The following ERBB4 variants were observed in gnomAD, a reference collection of about 807,000 sequenced individuals.
ERBB4 encodes erb-b2 receptor tyrosine kinase 4, also known as receptor tyrosine-protein kinase erbB-4.
In ERBB4, 42 loss-of-function variants were observed where a neutral mutation model predicts 158.0. The observed-to-expected ratio is 0.27, with a 90% CI of 0.21 to 0.34. ERBB4 has a LOEUF of 0.34. Among genes scored for constraint, ERBB4 ranks in the 10% least tolerant of loss-of-function variants. The pLI, the probability that ERBB4 is intolerant of heterozygous loss-of-function variation, is 1.00. For missense variants in ERBB4, 1,333 were observed against 1,624.1 expected (o/e 0.82, Z 3.08); for synonymous variants, 583 against 558.7 (o/e 1.04, Z -0.61).
intron 20 of ERBB4, among the ~76,000 whole-genome samples, chr2:211,453,302 T>A (rs1274508586): frequency 6.6e-6 from 1 of 152,166 alleles, no homozygotes; most frequent in Non-Finnish European, 1.5e-5. Flanking sequence ...ATTTTAAAAG[T>A]ATAATAAAAA....
intron 5 of ERBB4, among the ~76,000 whole-genome samples, chr2:211,740,702 C>T (rs1264173309): frequency 7.3e-6 from 1 of 136,976 alleles, no homozygotes; most frequent in Non-Finnish European, 1.5e-5. Flanking sequence ...GCTCCGCTTA[C>T]AGGGTTTATG....
At chr2:212,431,756 G>T (rs2092035212) in intron 1 of ERBB4, among the ~76,000 whole-genome samples, 1 of 152,116 alleles carries the variant, frequency 6.6e-6, no homozygotes, top group Non-Finnish European at 1.5e-5. Flanking sequence ...TCATCACAGG[G>T]CCTTCATACT....
chr2:212,472,264 C>A (rs1281020970), intron 1 of ERBB4, among the ~76,000 whole-genome samples: 1 of 151,580 alleles, frequency 6.6e-6, no homozygotes. Context: ...CTAAAATGCA[C>A]TGAAACCTAA....
At chr2:211,654,070 A>T (rs1354488121) in intron 16 of ERBB4, among the ~76,000 whole-genome samples, 3 of 152,304 alleles carry the variant, frequency 2.0e-5, no homozygotes, top group Middle Eastern at 3.4e-3. Flanking sequence ...GATGACATTT[A>T]AAAATATTAT....
chr2:212,519,580 C>T (rs1433053981), intron 1 of ERBB4, among the ~76,000 whole-genome samples: 1 of 151,838 alleles, frequency 6.6e-6, no homozygotes, highest in Admixed American at 6.6e-5. Flanking sequence ...AGGATAAATA[C>T]CTAATGTAGA....
At chr2:212,383,906 A>G (rs1204695355) in intron 1 of ERBB4, among the ~76,000 whole-genome samples, 1 of 151,708 alleles carries the variant, frequency 6.6e-6, no homozygotes, top group Non-Finnish European at 1.5e-5. Flanking sequence ...CCAATGTCCT[A>G]CAGAACTCTG....
chr2:211,723,089 C>T (rs564520331), intron 6 of ERBB4, among the ~76,000 whole-genome samples: 2 of 152,276 alleles, frequency 1.3e-5, no homozygotes, highest in African/African-American at 4.8e-5. Flanking sequence ...AGGTAATTAG[C>T]TACAGTTGGC....
chr2:212,154,624 T>C (rs1314240548), intron 1 of ERBB4, among the ~76,000 whole-genome samples: 2 of 151,006 alleles, frequency 1.3e-5, no homozygotes, highest in Non-Finnish European at 3.0e-5. Context: ...GCCTGTCTCT[T>C]CCCTGCAAGT....
chr2:212,134,726 C>T (rs1169782356), intron 1 of ERBB4, among the ~76,000 whole-genome samples: 2 of 137,938 alleles, frequency 1.4e-5, no homozygotes, highest in Non-Finnish European at 3.0e-5. Flanking sequence ...CTCTGTCGCC[C>T]AGACTGGAGT....
rs147637153 is a variant in ERBB4 at position 211,804,281 on chromosome 2, A to G, written c.422-16122T>C. 1.9e-3 allele frequency among the ~76,000 whole-genome samples: 286 copies of G among 152,336 alleles called. 2 individuals are homozygous for G. Among genetic ancestry groups the G allele is most frequent in the African/African-American group, 6.3e-3 (263 of 41,576 alleles). On this transcript the variant is annotated intron_variant, in intron 3 of 27. Coordinates refer to ENST00000342788, the MANE Select transcript of ERBB4 (RefSeq NM_005235.3). ...ATTTAGAAAAAGGAAGCAAATGTACAAAAAGGTTGCAGTCAGGGATATGTT... is the reference window on the plus strand; with the variant it reads ...ATTTAGAAAAAGGAAGCAAATGTACGAAAAGGTTGCAGTCAGGGATATGTT...
At chr2:211,405,816 T>A (rs1253226878) in intron 25 of ERBB4, among the ~76,000 whole-genome samples, 1 of 152,172 alleles carries the variant, frequency 6.6e-6, no homozygotes, top group African/African-American at 2.4e-5. Context: ...CACATTCCTA[T>A]CTAATGACTA....
intron 1 of ERBB4, among the ~76,000 whole-genome samples, chr2:212,161,566 G>A (rs1217566402): frequency 1.3e-5 from 2 of 151,664 alleles, no homozygotes; most frequent in African/African-American, 2.4e-5. Flanking sequence ...CTACCTCAAA[G>A]GCTTCATATT....
chr2:211,978,014 A>C (rs762928639), intron 2 of ERBB4, among the ~76,000 whole-genome samples: 8 of 150,706 alleles, frequency 5.3e-5, no homozygotes, highest in Non-Finnish European at 8.8e-5. Flanking sequence ...GTAAATATTC[A>C]TCTTGCTGCA....
At chr2:212,139,349 T>A (rs1470889852) in intron 1 of ERBB4, among the ~76,000 whole-genome samples, 1 of 152,076 alleles carries the variant, frequency 6.6e-6, no homozygotes. Flanking sequence ...TTTGCTAGTA[T>A]ACAATATTTG....
intron 19 of ERBB4, among the ~76,000 whole-genome samples, chr2:211,598,528 C>T (rs1415882229): frequency 6.6e-6 from 1 of 152,056 alleles, no homozygotes; most frequent in Admixed American, 6.5e-5. Context: ...ATGTTGAATC[C>T]TCTGTGTGGT....
intron 1 of ERBB4, among the ~76,000 whole-genome samples, chr2:212,462,976 TTA>T (rs1688651860): frequency 6.6e-6 from 1 of 151,992 alleles, no homozygotes; most frequent in South Asian, 2.1e-4. Context: ...CAGGAAGAAA[TTA>T]TGTTAAATTA....
chr2:212,410,927 C>T (rs2091479675), intron 1 of ERBB4, among the ~76,000 whole-genome samples: 1 of 151,998 alleles, frequency 6.6e-6, no homozygotes, highest in Admixed American at 6.6e-5. Flanking sequence ...TGAACTACAG[C>T]TACACTTTTT....
intron 1 of ERBB4, among the ~76,000 whole-genome samples, chr2:212,381,362 C>G (rs575339625): frequency 6.6e-6 from 1 of 151,418 alleles, no homozygotes; most frequent in South Asian, 2.1e-4. Context: ...TGAGGTTAAT[C>G]TAAATGTAGC....
At chr2:212,426,389 T>A (rs775980332) in intron 1 of ERBB4, 1 of 423,660 alleles carries the variant, frequency 2.4e-6, no homozygotes, top group Non-Finnish European at 4.6e-6. Context: ...AAATTAGATC[T>A]CTTTCGTCAC....
Sources: gnomAD v4.1 joint callset for allele counts (sites outside exome capture counted in the v4.1 genomes callset) on GRCh38, gnomAD v4.1.1 for gene constraint, MANE v1.5 for transcripts, NCBI Gene and HGNC (gene_info 2026-07-23, HGNC 2026-07-21) for gene names.